COL21A1: variants seen among roughly 807,000 people sequenced by gnomAD.
The protein encoded by COL21A1 is collagen type XXI alpha 1 chain.
In COL21A1, 149 loss-of-function variants were observed where a neutral mutation model predicts 137.9. That is an observed-to-expected ratio of 1.08 (90% CI 0.95 to 1.24). The LOEUF is 1.24. Among genes scored for constraint, COL21A1 ranks in the 50% most tolerant of loss-of-function variants. The pLI is 0.00. For synonymous variants in COL21A1, 456 were observed against 391.5 expected, an observed-to-expected ratio of 1.16 and a Z score of -1.95; for missense variants, 1,167 against 1,158.4, an observed-to-expected ratio of 1.01 and a Z score of -0.11.
At chr6:56,335,982 A>G (rs1194398660) in intron 1 of COL21A1, among the ~76,000 whole-genome samples, 1 of 152,194 alleles carries the variant, frequency 6.6e-6, no homozygotes, top group Non-Finnish European at 1.5e-5. Flanking sequence ...GTTGATGATG[A>G]TGACTAAGAG....
At chr6:56,163,104 A>G (rs951440725) in intron 9 of COL21A1, among the ~76,000 whole-genome samples, 1 of 152,226 alleles carries the variant, frequency 6.6e-6, no homozygotes, top group African/African-American at 2.4e-5. Context: ...AGAAAGAATT[A>G]AATTATCTTG....
At chr6:56,168,336 C>T in intron 5 of COL21A1, 39 bp from the exon 6 acceptor site, 1 of 1,440,388 alleles carries the variant, frequency 6.9e-7, no homozygotes, top group Non-Finnish European at 9.3e-7. Flanking sequence ...AAATAAAGCC[C>T]CTAACAATAT....
chr6:56,290,552 T>C (rs1168204670), intron 1 of COL21A1, among the ~76,000 whole-genome samples: 1 of 146,344 alleles, frequency 6.8e-6, no homozygotes, highest in Admixed American at 6.9e-5. Flanking sequence ...CAGGTTAGAG[T>C]GCAGTGGCAT....
chr6:56,178,129 A>G (rs1355703540), intron 3 of COL21A1, among the ~76,000 whole-genome samples: 1 of 152,206 alleles, frequency 6.6e-6, no homozygotes, highest in Admixed American at 6.5e-5. Flanking sequence ...TTGAACAAAC[A>G]TTTTATCAGT....
intron 10 of COL21A1, among the ~76,000 whole-genome samples, chr6:56,153,634 G>A (rs1192369837): frequency 6.6e-6 from 1 of 150,974 alleles, no homozygotes; most frequent in Non-Finnish European, 1.5e-5. Context: ...TCTGTTGTTT[G>A]TACTACCCTC....
intron 1 of COL21A1, among the ~76,000 whole-genome samples, chr6:56,288,036 C>G (rs995217823): frequency 2.0e-5 from 3 of 152,036 alleles, no homozygotes; most frequent in Non-Finnish European, 2.9e-5. Context: ...CAGTGAGACC[C>G]GTGAGTGAGT....
chr6:56,104,658 C>G (rs925759934), intron 16 of COL21A1, among the ~76,000 whole-genome samples: 1 of 152,036 alleles, frequency 6.6e-6, no homozygotes, highest in Non-Finnish European at 1.5e-5. Flanking sequence ...GTTATTAACT[C>G]CCTTCTTGAT....
At chr6:56,264,993 T>A (rs757601081) in intron 1 of COL21A1, among the ~76,000 whole-genome samples, 10 of 152,164 alleles carry the variant, frequency 6.6e-5, no homozygotes, top group Non-Finnish European at 1.2e-4. Flanking sequence ...AAAAAGACTA[T>A]AAGAAAGTAG....
chr6:56,128,273 G>A (rs915671734), intron 12 of COL21A1, among the ~76,000 whole-genome samples: 2 of 152,134 alleles, frequency 1.3e-5, no homozygotes, highest in African/African-American at 4.8e-5. Context: ...GGTGTAGCAG[G>A]GGTTCTGCCT....
chr6:56,259,173 C>A (rs769479419), intron 1 of COL21A1, among the ~76,000 whole-genome samples: 4 of 152,196 alleles, frequency 2.6e-5, no homozygotes, highest in Non-Finnish European at 5.9e-5. Flanking sequence ...ATAATGAGTT[C>A]TAGCATCCCT....
chr6:56,358,804 T>C (rs987794088), intron 1 of COL21A1, among the ~76,000 whole-genome samples: 47 of 152,178 alleles, frequency 3.1e-4, no homozygotes, highest in Non-Finnish European at 6.5e-4. Context: ...AAAAGTCACA[T>C]TTATTAATAT....
chr6:56,217,779 T>G (rs1200770551), intron 1 of COL21A1, among the ~76,000 whole-genome samples: 1 of 152,058 alleles, frequency 6.6e-6, no homozygotes, highest in Non-Finnish European at 1.5e-5. Context: ...TCCACCCACA[T>G]GTAGTATCCT....
At position 56,235,000 on chromosome 6, in the gene COL21A1, G is replaced by A. The variant is rs567272738; in HGVS notation, c.-39+12387C>T. 5.3e-4 allele frequency among the ~76,000 whole-genome samples: 81 copies of A among 151,708 alleles called. No individual in the cohort carries two copies. In the South Asian group the frequency reaches 5.4e-3, roughly 10 times the overall value. On this transcript the variant is annotated intron_variant, in intron 1 of 29. Transcript: ENST00000244728. Reference sequence around the variant, plus strand: ...GAAACATCTTATTTCCTACTTCTCCGCACCTAAACCTTCCATTCCTACTAG... The same window carrying A: ...GAAACATCTTATTTCCTACTTCTCCACACCTAAACCTTCCATTCCTACTAG...
chr6:56,131,614 T>C (rs889077950), intron 12 of COL21A1, among the ~76,000 whole-genome samples: 4 of 151,988 alleles, frequency 2.6e-5, no homozygotes, highest in African/African-American at 7.3e-5. Context: ...AGCTGGACAG[T>C]GTGACGCATG....
At position 56,260,696 on chromosome 6, in the gene COL21A1, GC is replaced by G. The variant is rs1562029000; in HGVS notation, c.-38-78041del. Among the ~76,000 whole-genome samples the G allele has an allele frequency of 3.9e-4, 18 of 45,676 alleles. 1 individual carries two copies. The highest frequency in any genetic ancestry group is 1.2e-3 in the African/African-American group (10 of 8,282). The allele number at this position is 45,676 out of a possible 152,430, so 30.0% of individuals were successfully genotyped here. A position where few individuals can be genotyped will look rare whatever the true frequency, so the allele number is the denominator to read the frequency against. ...GGAAGGAAGGAAGGAAGGAAGGCAG[GC>G]AGGCAGGCAGGCAGGCAGGAAGGGA... On this transcript the variant is annotated intron_variant, in intron 1 of 28. Transcript: ENST00000370819.
At chr6:56,380,416 A>G (rs971526766) in intron 1 of COL21A1, among the ~76,000 whole-genome samples, 4 of 152,206 alleles carry the variant, frequency 2.6e-5, no homozygotes, top group African/African-American at 9.6e-5. Flanking sequence ...TCTAATGGGC[A>G]GGTGGTCTTT....
At chr6:56,067,213 A>G in intron 23 of COL21A1, 82 bp downstream of exon 23, 2 of 1,139,654 alleles carry the variant, frequency 1.8e-6, no homozygotes, top group Non-Finnish European at 2.5e-6. Flanking sequence ...TTGAAACAGA[A>G]AGGAATTTAA....
intron 1 of COL21A1, among the ~76,000 whole-genome samples, chr6:56,301,816 C>T (rs530259977): frequency 2.0e-5 from 3 of 151,754 alleles, no homozygotes; most frequent in Middle Eastern, 3.4e-3. Context: ...CCCAGTAACT[C>T]GTCATTTAAC....
intron 16 of COL21A1, among the ~76,000 whole-genome samples, chr6:56,109,151 T>C (rs1253135923): frequency 6.6e-6 from 1 of 151,554 alleles, no homozygotes; most frequent in Non-Finnish European, 1.5e-5. Context: ...CAATTCTCAA[T>C]TGCAAAAGCT....
Sources: allele counts gnomAD v4.1 joint callset (sites outside exome capture counted in the v4.1 genomes callset), GRCh38; gene constraint gnomAD v4.1.1; transcripts MANE v1.5; gene names NCBI Gene and HGNC (gene_info 2026-07-23, HGNC 2026-07-21).